The following SYTL4 variants were observed in gnomAD, a reference collection of about 807,000 sequenced individuals.
SYTL4 encodes synaptotagmin like 4, also known as synaptotagmin-like protein 4.
SYTL4 carries 16 observed loss-of-function variants against 52.7 expected under a neutral mutation model. That is an observed-to-expected ratio of 0.30 (90% CI 0.21 to 0.46). The LOEUF (loss-of-function observed/expected upper bound fraction) is 0.46. Among genes scored for constraint, SYTL4 ranks in the 20% least tolerant of loss-of-function variants. SYTL4 has a pLI of 1.00. For missense variants in SYTL4, 423 were observed against 519.9 expected (o/e 0.81, Z 1.81); for synonymous variants, 160 against 186.6 (o/e 0.86, Z 1.16).
intron 2 of SYTL4, among the ~76,000 whole-genome samples, chrX:100,718,428 TA>T (rs1287007795): frequency 9.0e-6 from 1 of 111,420 alleles, no homozygotes; most frequent in African/African-American, 3.3e-5. Context: ...TCATAAATTT[TA>T]AAAATAGGAT....
rs200066248 is a variant in SYTL4 at position 100,719,036 on chromosome X, T to C, written c.-240+12382A>G. On this transcript the variant is annotated intron_variant, in intron 2 of 19. Transcript: ENST00000372989. ...TGGTCTCAAATGCCTGACCTCGTGA[T>C]CTGCCCATCTCGGCCTCCCAACGTG... Among the ~76,000 whole-genome samples the C allele has an allele frequency of 2.6e-4, 29 of 111,231 alleles. No individual in the cohort carries two copies. In the East Asian group the frequency reaches 2.8e-3, roughly 11 times the overall value.
At chrX:100,702,134 C>T (rs952021201) in intron 4 of SYTL4, 27 bp from the exon 5 acceptor site, 13 of 587,688 alleles carry the variant, frequency 2.2e-5, no homozygotes, top group Non-Finnish European at 3.2e-5. Context: ...ACTAATTTCA[C>T]ACAGATGATT....
chrX:100,677,555 A>C (rs1226588150), intron 19 of SYTL4, among the ~76,000 whole-genome samples: 1 of 112,150 alleles, frequency 8.9e-6, no homozygotes, highest in Non-Finnish European at 1.9e-5. Flanking sequence ...AGGGCAAAGA[A>C]GAGGATCCGA....
At chrX:100,711,453 G>A (rs1221278451) in intron 2 of SYTL4, among the ~76,000 whole-genome samples, 5 of 111,311 alleles carry the variant, frequency 4.5e-5, no homozygotes, top group Non-Finnish European at 9.4e-5. Context: ...AGCTAGGCAG[G>A]GGACATGGGA....
intron 8 of SYTL4, among the ~76,000 whole-genome samples, chrX:100,694,644 T>C (rs1480172223): frequency 1.8e-5 from 2 of 111,732 alleles, no homozygotes; most frequent in South Asian, 3.7e-4. Context: ...ACTATCTTTT[T>C]ATCTCCCACC....
chrX:100,678,019 A>G (rs1424092854), intron 19 of SYTL4, among the ~76,000 whole-genome samples: 2 of 111,484 alleles, frequency 1.8e-5, no homozygotes, highest in East Asian at 5.6e-4. Context: ...GGGTAGGGGG[A>G]GGTGGCCCAG....
chrX:100,724,946 A>T (rs1043258917), intron 2 of SYTL4, among the ~76,000 whole-genome samples: 33 of 110,801 alleles, frequency 3.0e-4, no homozygotes, highest in South Asian at 1.6e-3. Context: ...ATATTAAATT[A>T]AAAAAATTGC....
chrX:100,715,146 C>T (rs1200711491), intron 2 of SYTL4, among the ~76,000 whole-genome samples: 1 of 111,199 alleles, frequency 9.0e-6, no homozygotes, highest in Non-Finnish European at 1.9e-5. Context: ...TCAGCCTCCC[C>T]AGTAGCTGGG....
At position 100,690,586 on chromosome X, in the gene SYTL4, C is replaced by A. The variant is rs765943937; in HGVS notation, c.694G>T (p.Ala232Ser). 1.8e-5 allele frequency: 22 copies of A among 1,204,801 alleles called. No individual in the cohort carries two copies. The East Asian group carries it at 5.1e-4, about 28-fold the overall frequency. ...GLFPEWKKMS[A>S]PKSQVEKETQ... is the part of the protein sequence containing the mutation. ...ACCTTTTCTACTTGAGATTTGGGAG[C>A]AGACATCTTCTTCCATTCTGGAAAG... The change falls in exon 10 of 20, where the codon GCT becomes TCT. Residue 232 changes from alanine to serine, a missense_variant. Transcript: ENST00000372989.
At chrX:100,699,951 G>A (rs995030623) in intron 8 of SYTL4, among the ~76,000 whole-genome samples, 5 of 111,148 alleles carry the variant, frequency 4.5e-5, no homozygotes, top group Admixed American at 9.6e-5. Flanking sequence ...CCTTGAAAAC[G>A]TTAATGTTAA....
chrX:100,723,384 G>A, intron 2 of SYTL4, among the ~76,000 whole-genome samples: 1 of 112,475 alleles, frequency 8.9e-6, no homozygotes, highest in Non-Finnish European at 1.9e-5. Context: ...GGCTTCCCGA[G>A]GTGCTGGGAT....
intron 4 of SYTL4, 120 bp from the exon 5 acceptor site, chrX:100,702,227 T>C (rs1326464417): frequency 2.6e-6 from 1 of 384,155 alleles, no homozygotes; most frequent in Non-Finnish European, 4.5e-6. Flanking sequence ...AAAGTAGAAG[T>C]ATCTGACCTA....
Position 100,732,102 on chromosome X carries a change from A to T in SYTL4, c.-426T>A, listed in dbSNP as rs1301424001. The T allele has an allele frequency of 8.9e-6, 1 of 112,217 alleles. No individual in the cohort carries two copies. Among genetic ancestry groups the T allele is most frequent in the African/African-American group, 3.2e-5 (1 of 30,885 alleles). 9.2% of individuals were successfully genotyped at this position (112,217 alleles called of 1,213,427 possible). A position where few individuals can be genotyped will look rare whatever the true frequency, so the allele number is the denominator to read the frequency against. On this transcript the variant is annotated 5_prime_UTR_variant, in exon 1 of 20. Transcript: ENST00000372989. ...GGGAAGATCGCAACCCAGCTCCGGC[A>T]GCCGGCCCTTCTCACCCTCCCGGGA...
rs766922425 is a variant in SYTL4 at position 100,688,257 on chromosome X, T to C, written c.1005+94A>G. ...ACTTACCTGAAAAGAGTGACTAGGA[T>C]GGTTTCCCCAGGTCCCGAATCTGCT... On this transcript the variant is annotated intron_variant, in intron 13 of 19. Coordinates refer to ENST00000372989, the MANE Select transcript of SYTL4 (RefSeq NM_001370165.1). The C allele has an allele frequency of 5.5e-5, 37 of 669,099 alleles. No homozygotes were observed. The Admixed American group carries it at 6.5e-4, about 12-fold the overall frequency. The allele number at this position is 669,099 out of a possible 1,213,427, so 55.1% of individuals were successfully genotyped here.
chrX:100,678,335 G>T, intron 19 of SYTL4, 56 bp downstream of exon 19: 1 of 920,428 alleles, frequency 1.1e-6, no homozygotes, highest in East Asian at 3.1e-5. Context: ...AATGGTAATA[G>T]GAGTAAAATA....
intron 2 of SYTL4, among the ~76,000 whole-genome samples, chrX:100,724,431 G>C (rs1289200288): frequency 2.9e-5 from 3 of 104,489 alleles, no homozygotes; most frequent in Non-Finnish European, 5.9e-5. Flanking sequence ...AATAGAAAGG[G>C]GGGAAAGGTG....
intron 18 of SYTL4, chrX:100,678,858 G>GT (rs2083326612): frequency 5.8e-6 from 2 of 345,406 alleles, no homozygotes; most frequent in Admixed American, 1.0e-4. Context: ...CACTGAAAAT[G>GT]GGTTTTAAAT....
intron 2 of SYTL4, among the ~76,000 whole-genome samples, chrX:100,723,497 T>C (rs890061068): frequency 8.9e-6 from 1 of 111,997 alleles, no homozygotes; most frequent in East Asian, 2.8e-4. Flanking sequence ...CCGCCTCCCT[T>C]GGCCTCCCAA....
chrX:100,680,624 CCT>C (rs1452600891), intron 17 of SYTL4, among the ~76,000 whole-genome samples: 1 of 111,206 alleles, frequency 9.0e-6, no homozygotes, highest in Non-Finnish European at 1.9e-5. Context: ...CATGTTATCC[CCT>C]CTTCTGAAAA....
Sources: allele counts gnomAD v4.1 joint callset (sites outside exome capture counted in the v4.1 genomes callset), GRCh38; gene constraint gnomAD v4.1.1; transcripts MANE v1.5; gene names NCBI Gene and HGNC (gene_info 2026-07-23, HGNC 2026-07-21).